Variants in ATP8B1 observed in about 807,000 individuals in gnomAD.
ATP8B1 encodes the protein ATPase phospholipid transporting 8B1, also known as phospholipid-transporting ATPase IC.
ATP8B1 carries 80 observed loss-of-function variants against 149.9 expected under a neutral mutation model. The ratio of observed to expected loss-of-function variants is 0.53; its 90% CI spans 0.45 to 0.64. The LOEUF (loss-of-function observed/expected upper bound fraction) is 0.64. Among genes scored for constraint, ATP8B1 ranks in the 30% least tolerant of loss-of-function variants. ATP8B1 has a pLI of 0.00. For synonymous variants in ATP8B1, 536 were observed against 562.8 expected (o/e 0.95, Z 0.67); for missense variants, 1,247 against 1,552.6 (o/e 0.80, Z 3.31).
chr18:57,655,500 A>G, intron 22 of ATP8B1, 83 bp from the exon 23 acceptor site: 1 of 1,214,488 alleles, frequency 8.2e-7, no homozygotes, highest in East Asian at 2.3e-5. Context: ...GTTCCATAGC[A>G]AACAAAAAAC....
chr18:57,742,818 C>T (rs2079929688), intron 1 of ATP8B1, among the ~76,000 whole-genome samples: 1 of 120,744 alleles, frequency 8.3e-6, no homozygotes, highest in Non-Finnish European at 1.7e-5. Context: ...AGCAAGACCC[C>T]ATCTCTATAA....
chr18:57,752,459 G>C (rs986967418), intron 1 of ATP8B1, among the ~76,000 whole-genome samples: 1 of 152,044 alleles, frequency 6.6e-6, no homozygotes, highest in Non-Finnish European at 1.5e-5. Context: ...TACCTTACAG[G>C]GTCCTTGTGA....
chr18:57,715,609 C>G (rs2079576358), intron 2 of ATP8B1, among the ~76,000 whole-genome samples: 1 of 152,118 alleles, frequency 6.6e-6, no homozygotes, highest in Admixed American at 6.6e-5. Context: ...AAGGAAGGAT[C>G]CTAAAAGCAG....
intron 19 of ATP8B1, chr18:57,667,779 C>A: frequency 5.3e-6 from 1 of 187,544 alleles, no homozygotes; most frequent in South Asian, 8.9e-5. Context: ...TTTCCACCAA[C>A]CCTTACGTGA....
At chr18:57,791,719 G>A (rs1333476625) in intron 1 of ATP8B1, among the ~76,000 whole-genome samples, 3 of 152,148 alleles carry the variant, frequency 2.0e-5, no homozygotes, top group African/African-American at 4.8e-5. Context: ...TCATTCATTC[G>A]TCGGTGGATG....
chr18:57,678,999 C>T (rs543526814), intron 15 of ATP8B1, among the ~76,000 whole-genome samples: 52 of 123,802 alleles, frequency 4.2e-4, no homozygotes, highest in African/African-American at 1.4e-3. Flanking sequence ...GACCCGACTT[C>T]AATTCCCAGC....
At chr18:57,710,495 C>T (rs763602065) in intron 2 of ATP8B1, among the ~76,000 whole-genome samples, 8 of 152,104 alleles carry the variant, frequency 5.3e-5, no homozygotes, top group Non-Finnish European at 1.0e-4. Context: ...CGCTTGCTTA[C>T]AGACCCACCA....
intron 1 of ATP8B1, chr18:57,755,378 A>T (rs2080066728): frequency 6.6e-6 from 1 of 152,234 alleles, no homozygotes; most frequent in South Asian, 2.1e-4. Context: ...AGATAAAAAA[A>T]AAAAATCCTG....
chr18:57,708,639 G>T (rs1913539360), intron 2 of ATP8B1: 1 of 152,222 alleles, frequency 6.6e-6, no homozygotes, highest in Non-Finnish European at 1.5e-5. Context: ...CAGGAAGGCT[G>T]AGAAGAAAAA....
rs745482154 is a variant in ATP8B1 at position 57,650,420 on chromosome 18, C to T, written c.3478G>A (p.Val1160Ile). The T allele has an allele frequency of 2.3e-5, 37 of 1,613,834 alleles. No individual in the cohort carries two copies. The African/African-American group carries it at 3.3e-4, about 15-fold the overall frequency. Residue 1160 changes from valine to isoleucine, a missense_variant, in exon 27 of 28, where the codon GTC becomes ATC. Val to Ile is a conservative substitution (Grantham distance 29). Coordinates refer to ENST00000648908, the MANE Select transcript of ATP8B1 (RefSeq NM_001374385.1). ...ATTGACAGGAATCGAATGGCAACGACGGGTAGTAAGCACACAGCAACAGCC... is the reference window on the plus strand; with the variant it reads ...ATTGACAGGAATCGAATGGCAACGATGGGTAGTAAGCACACAGCAACAGCC... ...ILAVAVCLLP[V>I]VAIRFLSMTI...
chr18:57,751,120 CAAAAA>C (rs1255580729), intron 1 of ATP8B1, among the ~76,000 whole-genome samples: 1 of 151,928 alleles, frequency 6.6e-6, no homozygotes, highest in Non-Finnish European at 1.5e-5. Flanking sequence ...AAGACTATCT[CAAAAA>C]ATAAAATAGA....
intron 1 of ATP8B1, among the ~76,000 whole-genome samples, chr18:57,765,931 T>C (rs2080207428): frequency 1.3e-5 from 2 of 150,970 alleles, no homozygotes; most frequent in African/African-American, 4.9e-5. Flanking sequence ...GAGATCATGC[T>C]ATTGCACTCC....
In ATP8B1 at chr18:57,693,239, T is replaced by G. The variant is rs74539177; in HGVS notation, c.1030-1242A>C. ...ATTAAATACTTGAAAAAATTTTTCATTGGGAAATAGAAGGAGTGCTTAATA... is the reference window on the plus strand; with the variant it reads ...ATTAAATACTTGAAAAAATTTTTCAGTGGGAAATAGAAGGAGTGCTTAATA... On this transcript the variant is annotated intron_variant, in intron 11 of 27. Coordinates refer to ENST00000648908, the MANE Select transcript of ATP8B1 (RefSeq NM_001374385.1). Among the ~76,000 whole-genome samples the G allele has an allele frequency of 8.2e-3, 1,252 of 152,304 alleles. 33 individuals are homozygous for G. The highest frequency in any genetic ancestry group is 0.029 in the African/African-American group (1,204 of 41,558).
At chr18:57,773,634 C>T (rs2080283151) in intron 1 of ATP8B1, among the ~76,000 whole-genome samples, 1 of 152,176 alleles carries the variant, frequency 6.6e-6, no homozygotes, top group Non-Finnish European at 1.5e-5. Context: ...CAAGTGTCTA[C>T]TCAAACCTAA....
chr18:57,650,328 G>A, intron 27 of ATP8B1, 39 bp downstream of exon 27: 1 of 1,606,236 alleles, frequency 6.2e-7, no homozygotes, highest in Non-Finnish European at 8.5e-7. Flanking sequence ...TTTGGTTTCT[G>A]TGAGGGACAG....
In ATP8B1 at chr18:57,652,449, A is replaced by G. The variant is rs1909684586; in HGVS notation, c.3261+35T>C. ...TATACAGAAATATAAGTAGGTACCAATAGACACTGAATACGGCCAATGAAA... is the reference window on the plus strand; with the variant it reads ...TATACAGAAATATAAGTAGGTACCAGTAGACACTGAATACGGCCAATGAAA... On this transcript the variant is annotated intron_variant, in intron 25 of 27. Transcript: ENST00000648908. The G allele has an allele frequency of 2.5e-6, 4 of 1,613,868 alleles. No homozygotes were observed. The African/African-American group carries it at 4.0e-5, about 16-fold the overall frequency.
rs61181992 is a variant in ATP8B1, at chr18:57,648,882, G to GTGTGTGTGTATGTGTA, written c.3532-171_3532-170insTACACATACACACACA. On this transcript the variant is annotated intron_variant, in intron 27 of 27. Transcript: ENST00000648908. ...TGTGTGTGTGTGTGTGTGTGTGTGT[G>GTGTGTGTGTATGTGTA]TGTGTATGTGTGTCTATATCTTTTT... Among the ~76,000 whole-genome samples the GTGTGTGTGTATGTGTA allele has an allele frequency of 1.6e-4, 22 of 134,668 alleles. 1 individual carries two copies. The highest frequency in any genetic ancestry group is 6.3e-4 in the African/African-American group (21 of 33,444). 88.3% of individuals were successfully genotyped at this position (134,668 alleles called of 152,430 possible).
intron 1 of ATP8B1, among the ~76,000 whole-genome samples, chr18:57,792,984 C>G (rs1812720545): frequency 6.6e-6 from 1 of 152,176 alleles, no homozygotes; most frequent in African/African-American, 2.4e-5. Context: ...AAAACCGCCT[C>G]TTTTTTCTAA....
intron 24 of ATP8B1, among the ~76,000 whole-genome samples, chr18:57,653,732 C>A (rs1909800641): frequency 7.2e-6 from 1 of 138,788 alleles, no homozygotes; most frequent in Admixed American, 7.8e-5. Context: ...CACTTTATTG[C>A]CCAGGCTAGA....
Sources: gnomAD v4.1 joint callset for allele counts (sites outside exome capture counted in the v4.1 genomes callset) on GRCh38, gnomAD v4.1.1 for gene constraint, MANE v1.5 for transcripts, NCBI Gene and HGNC (gene_info 2026-07-23, HGNC 2026-07-21) for gene names.